The following ADAMTS2 variants were observed in gnomAD, a reference collection of about 807,000 sequenced individuals.
The protein encoded by ADAMTS2 is A disintegrin and metalloproteinase with thrombospondin motifs 2.
A neutral mutation model predicts 123.0 loss-of-function variants in ADAMTS2; 50 were observed. The ratio of observed to expected loss-of-function variants is 0.41; its 90% CI spans 0.32 to 0.51. The LOEUF is 0.51. ADAMTS2 is among the 20% of genes least tolerant of loss of function. The pLI is 0.35. For missense variants in ADAMTS2, 1,494 were observed against 1,705.2 expected (o/e 0.88, Z 2.18); for synonymous variants, 678 against 695.4 (o/e 0.98, Z 0.39).
At chr5:179,116,043 G>A (rs1339302758) in intron 21 of ADAMTS2, among the ~76,000 whole-genome samples, 1 of 152,036 alleles carries the variant, frequency 6.6e-6, no homozygotes, top group African/African-American at 2.4e-5. Context: ...CCCTGTCTCG[G>A]TGCATGGTGT....
Position 179,290,953 on chromosome 5 carries a change from G to A in ADAMTS2, c.535-17889C>T, listed in dbSNP as rs552781423. Among the ~76,000 whole-genome samples the A allele has an allele frequency of 1.4e-3, 220 of 152,322 alleles. 1 individual carries two copies. Among genetic ancestry groups the A allele is most frequent in the African/African-American group, 5.0e-3 (207 of 41,582 alleles). On this transcript the variant is annotated intron_variant, in intron 2 of 21. Transcript: ENST00000251582. The stretch of plus-strand genomic sequence containing the variant: ...CCTGAGCCACCCTGTGGGCCCTGCC[G>A]TTCCCTTCAGGGCACTCTCCAACCC...
intron 2 of ADAMTS2, among the ~76,000 whole-genome samples, chr5:179,280,047 G>A (rs1766848427): frequency 6.6e-6 from 1 of 152,168 alleles, no homozygotes; most frequent in Admixed American, 6.5e-5. Context: ...GCTGGAGCTG[G>A]GCCTTCCAGG....
At chr5:179,269,343 A>C (rs1273410804) in intron 3 of ADAMTS2, among the ~76,000 whole-genome samples, 1 of 152,188 alleles carries the variant, frequency 6.6e-6, no homozygotes, top group African/African-American at 2.4e-5. Flanking sequence ...GACATACCCG[A>C]GACTGGGCAA....
At chr5:179,239,751 G>C (rs11741111) in intron 3 of ADAMTS2, among the ~76,000 whole-genome samples, 45,913 of 151,936 alleles carry the variant, frequency 0.3, 7,258 homozygotes, top group Non-Finnish European at 0.33. Context: ...ACAGAGCCCT[G>C]GGCGCATCAA....
chr5:179,274,182 T>C (rs1408843091), intron 2 of ADAMTS2, among the ~76,000 whole-genome samples: 2 of 149,348 alleles, frequency 1.3e-5, no homozygotes, highest in Non-Finnish European at 3.0e-5. Flanking sequence ...GGTCCACCCA[T>C]CCCATGACAA....
rs1561628811 is a variant in ADAMTS2, at chr5:179,245,800, A to ACAAC, written c.688+27110_688+27111insGTTG. Among the ~76,000 whole-genome samples the ACAAC allele has an allele frequency of 2.9e-4, 42 of 142,824 alleles. 1 individual carries two copies. The highest frequency in any genetic ancestry group is 1.1e-3 in the African/African-American group (40 of 37,184). 93.7% of individuals were successfully genotyped at this position (142,824 alleles called of 152,430 possible). On this transcript the variant is annotated intron_variant, in intron 3 of 21. Coordinates refer to ENST00000251582, the MANE Select transcript of ADAMTS2 (RefSeq NM_014244.5). ...AAAAAAAAAAAAAAAAAAAAACAAA[A>ACAAC]AAAACAAAGATGGGGGTGGAAGAAT...
intron 3 of ADAMTS2, among the ~76,000 whole-genome samples, chr5:179,218,202 A>C (rs464536): frequency 1.3e-5 from 2 of 152,054 alleles, no homozygotes; most frequent in African/African-American, 2.4e-5. Context: ...GGCCACCACC[A>C]GGCTCAGGAG....
At chr5:179,224,059 A>G (rs1765211606) in intron 3 of ADAMTS2, among the ~76,000 whole-genome samples, 2 of 152,220 alleles carry the variant, frequency 1.3e-5, no homozygotes, top group African/African-American at 4.8e-5. Flanking sequence ...GACGAGGCGC[A>G]GCGTGGATGC....
At chr5:179,245,876 T>A (rs1292683719) in intron 3 of ADAMTS2, among the ~76,000 whole-genome samples, 1 of 146,724 alleles carries the variant, frequency 6.8e-6, no homozygotes, top group African/African-American at 2.5e-5. Flanking sequence ...TAAGTTAATA[T>A]AAATCTAAAG....
At chr5:179,161,541 C>T (rs760409629) in intron 5 of ADAMTS2, among the ~76,000 whole-genome samples, 15 of 152,114 alleles carry the variant, frequency 9.9e-5, no homozygotes, top group African/African-American at 1.2e-4. Context: ...TGGGGGGCAG[C>T]GGGCTGGGGA....
chr5:179,216,481 GC>G (rs1283633370), intron 3 of ADAMTS2, among the ~76,000 whole-genome samples: 7 of 151,502 alleles, frequency 4.6e-5, no homozygotes, highest in Non-Finnish European at 1.0e-4. Context: ...GTACAGGTCA[GC>G]CCCCTCCCTC....
chr5:179,266,082 C>T (rs6601027), intron 3 of ADAMTS2, among the ~76,000 whole-genome samples: 45,946 of 152,002 alleles, frequency 0.3, 7,393 homozygotes, highest in East Asian at 0.58. Flanking sequence ...GGGAAGTGCC[C>T]GGTTGGAGAC....
At position 179,225,626 on chromosome 5, in the gene ADAMTS2, G is replaced by A. The variant is rs1765265813; in HGVS notation, c.689-17911C>T. ...GAGAGGAACGCACCAACGAGCACCAGCACGCTGCAGGCCACCGACCGGCAG... is the reference window on the plus strand; with the variant it reads ...GAGAGGAACGCACCAACGAGCACCAACACGCTGCAGGCCACCGACCGGCAG... On this transcript the variant is annotated intron_variant, in intron 3 of 21. Transcript: ENST00000251582. The surrounding 1 kb of genome is among the most constrained non-coding windows in gnomAD (Gnocchi z 4.5). 6.6e-6 allele frequency among the ~76,000 whole-genome samples: 1 copy of A among 152,184 alleles called. No homozygotes were observed. The highest frequency in any genetic ancestry group is 2.4e-5 in the African/African-American group (1 of 41,436).
At position 179,225,062 on chromosome 5, in the gene ADAMTS2, TC is replaced by T. The variant is rs1334925557; in HGVS notation, c.689-17348del. On this transcript the variant is annotated intron_variant, in intron 3 of 21. Transcript: ENST00000251582. The surrounding 1 kb of genome is among the most constrained non-coding windows in gnomAD (Gnocchi z 4.5). ...TCCCTTTCCCACCTTGAAGGACAGC[TC>T]CTGATGGATGTGTTTTATGGTGGAA... Among the ~76,000 whole-genome samples the T allele has an allele frequency of 2.0e-5, 3 of 152,160 alleles. No individual in the cohort carries two copies. The East Asian group carries it at 5.8e-4, about 29-fold the overall frequency.
intron 3 of ADAMTS2, among the ~76,000 whole-genome samples, chr5:179,245,892 G>A (rs1443083058): frequency 6.7e-6 from 1 of 149,818 alleles, no homozygotes; most frequent in East Asian, 2.0e-4. Flanking sequence ...TAAAGATTCT[G>A]ATAAGATGCA....
At chr5:179,207,381 T>C (rs2113373510) in intron 4 of ADAMTS2, 132 bp downstream of exon 4, 1 of 952,820 alleles carries the variant, frequency 1.0e-6, no homozygotes, top group Admixed American at 2.0e-5. Context: ...CCTGAGACTG[T>C]GTCACTCACC....
At chr5:179,159,065 G>A (rs997989787) in intron 5 of ADAMTS2, among the ~76,000 whole-genome samples, 186 bp from the exon 6 acceptor site, 1 of 152,230 alleles carries the variant, frequency 6.6e-6, no homozygotes, top group Admixed American at 6.5e-5. Flanking sequence ...GGGAAGAAAA[G>A]TTTCCCCAGT....
chr5:179,137,966 T>C, intron 11 of ADAMTS2, 22 bp from the exon 12 acceptor site: 1 of 1,540,924 alleles, frequency 6.5e-7, no homozygotes, highest in Non-Finnish European at 8.7e-7. Flanking sequence ...AGCAAAGGCC[T>C]TGCCGCTCCG....
intron 4 of ADAMTS2, among the ~76,000 whole-genome samples, chr5:179,205,481 G>A (rs252064): frequency 0.25 from 38,608 of 152,232 alleles, 5,308 homozygotes; most frequent in East Asian, 0.57. Context: ...CTCAGAGGAC[G>A]GGAGCAGCGT....
Sources: gnomAD v4.1 joint callset for allele counts (sites outside exome capture counted in the v4.1 genomes callset) on GRCh38, gnomAD v4.1.1 for gene constraint, Gnocchi (gnomAD v3.1) non-coding constraint, MANE v1.5 for transcripts, NCBI Gene and HGNC (gene_info 2026-07-23, HGNC 2026-07-21) for gene names.